The following RERE variants were observed in gnomAD, a reference collection of about 807,000 sequenced individuals.
RERE encodes the protein arginine-glutamic acid dipeptide repeats.
RERE carries 40 observed loss-of-function variants against 146.1 expected under a neutral mutation model. The observed-to-expected ratio is 0.27, with a 90% CI of 0.21 to 0.36. The LOEUF (loss-of-function observed/expected upper bound fraction) is 0.36, where lower values mean the gene tolerates loss of function less well. Among genes scored for constraint, RERE ranks in the 10% least tolerant of loss-of-function variants. The pLI is 1.00. For missense variants in RERE, 1,933 were observed against 2,138.7 expected (o/e 0.90, Z 1.90); for synonymous variants, 1,003 against 866.0 (o/e 1.16, Z -2.78).
At chr1:8,360,060 C>A (rs1307879580) in intron 18 of RERE, 52 bp downstream of exon 18, 3 of 1,216,544 alleles carry the variant, frequency 2.5e-6, no homozygotes, top group East Asian at 5.3e-5. Context: ...CCAGAACTTG[C>A]CCCCACCAGC....
intron 1 of RERE, among the ~76,000 whole-genome samples, chr1:8,770,512 T>C (rs1640927007): frequency 6.6e-6 from 1 of 152,198 alleles, no homozygotes; most frequent in African/African-American, 2.4e-5. Context: ...CTCAGTCTAC[T>C]TATAGCCCTA....
chr1:8,426,225 C>A (rs550512462), intron 11 of RERE, among the ~76,000 whole-genome samples: 1 of 152,082 alleles, frequency 6.6e-6, no homozygotes, highest in Non-Finnish European at 1.5e-5. Context: ...GAGGCTGAGG[C>A]GGGCAGACCA....
chr1:8,729,489 C>T (rs1245725172), intron 1 of RERE, among the ~76,000 whole-genome samples: 2 of 152,036 alleles, frequency 1.3e-5, no homozygotes, highest in African/African-American at 2.4e-5. Context: ...TCCCAAAGTG[C>T]TGGGGTTACA....
intron 12 of RERE, among the ~76,000 whole-genome samples, chr1:8,399,298 AG>A (rs1261045648): frequency 6.6e-6 from 1 of 152,118 alleles, no homozygotes; most frequent in African/African-American, 2.4e-5. Flanking sequence ...TTCCCTACTC[AG>A]GGAACATTAA....
At chr1:8,773,649 C>A (rs1569766264) in intron 1 of RERE, among the ~76,000 whole-genome samples, 1 of 152,292 alleles carries the variant, frequency 6.6e-6, no homozygotes, top group East Asian at 1.9e-4. Flanking sequence ...CACGGTGAAA[C>A]CCTGTCTCTA....
At chr1:8,757,813 G>A (rs1304332514) in intron 1 of RERE, among the ~76,000 whole-genome samples, 1 of 151,824 alleles carries the variant, frequency 6.6e-6, no homozygotes, top group East Asian at 1.9e-4. Flanking sequence ...ACGCAAAATG[G>A]TATTCCTAAC....
At chr1:8,621,235 C>T (rs1646912303) in intron 3 of RERE, among the ~76,000 whole-genome samples, 1 of 152,120 alleles carries the variant, frequency 6.6e-6, no homozygotes. Context: ...GTGTTCTATA[C>T]CACAGACTCG....
In RERE at chr1:8,630,787, A is replaced by G. The variant is rs140819985; in HGVS notation, c.326-6407T>C. 4.5e-3 allele frequency among the ~76,000 whole-genome samples: 691 copies of G among 152,300 alleles called. 6 individuals are homozygous for G. The highest frequency in any genetic ancestry group is 0.016 in the African/African-American group (664 of 41,570). Reference sequence around the variant, plus strand: ...ATGGAAAAGGAAACAAAAATTGGGAAAAGTGCACCTCCATAAATGAAGCCT... The same window carrying G: ...ATGGAAAAGGAAACAAAAATTGGGAGAAGTGCACCTCCATAAATGAAGCCT... On this transcript the variant is annotated intron_variant, in intron 2 of 22. Transcript: ENST00000400908.
At chr1:8,751,637 C>T (rs886341495) in intron 1 of RERE, among the ~76,000 whole-genome samples, 3 of 152,090 alleles carry the variant, frequency 2.0e-5, no homozygotes, top group East Asian at 1.9e-4. Context: ...CAAAATACTG[C>T]GCTTATTCCT....
At chr1:8,485,848 G>C (rs1385990184) in intron 10 of RERE, among the ~76,000 whole-genome samples, 1 of 149,178 alleles carries the variant, frequency 6.7e-6, no homozygotes, top group African/African-American at 2.5e-5. Context: ...TGGCAGGCTG[G>C]AGTGCAGTGG....
In RERE at chr1:8,530,740, G is replaced by A. The variant is rs184395545; in HGVS notation, c.830+10474C>T. Among the ~76,000 whole-genome samples, 1,252 of 137,628 alleles carry A rather than the reference G, an allele frequency of 9.1e-3. 19 individuals are homozygous for A. Among genetic ancestry groups the A allele is most frequent in the African/African-American group, 0.033 (1,206 of 36,334 alleles). The allele number at this position is 137,628 out of a possible 152,430, so 90.3% of individuals were successfully genotyped here. ...CGCTCTGTCGCCCAGGCCGGACTGC[G>A]GACTGCAGTGGCGCAATCTCGGCTC... On this transcript the variant is annotated intron_variant, in intron 7 of 22. Transcript: ENST00000400908.
intron 1 of RERE, among the ~76,000 whole-genome samples, chr1:8,656,745 A>C (rs552295123): frequency 6.6e-6 from 1 of 152,342 alleles, no homozygotes; most frequent in East Asian, 1.9e-4. Flanking sequence ...TAGACAACAT[A>C]TAATGGGTAT....
chr1:8,704,912 T>C (rs1639527110), intron 1 of RERE, among the ~76,000 whole-genome samples: 1 of 152,180 alleles, frequency 6.6e-6, no homozygotes, highest in East Asian at 1.9e-4. Context: ...CTAAACACCA[T>C]TCCTCAGTGA....
intron 1 of RERE, among the ~76,000 whole-genome samples, chr1:8,763,320 G>A (rs1640788779): frequency 6.6e-6 from 1 of 152,104 alleles, no homozygotes; most frequent in Non-Finnish European, 1.5e-5. Flanking sequence ...CCATAATCAA[G>A]AGTTTCCATG....
intron 12 of RERE, among the ~76,000 whole-genome samples, chr1:8,413,393 A>G (rs962480786): frequency 6.6e-6 from 1 of 152,124 alleles, no homozygotes; most frequent in African/African-American, 2.4e-5. Context: ...CCCAGGCTGG[A>G]GCATAGCAGC....
At chr1:8,748,212 T>C (rs1215466032) in intron 1 of RERE, among the ~76,000 whole-genome samples, 8 of 152,096 alleles carry the variant, frequency 5.3e-5, no homozygotes, top group Non-Finnish European at 7.4e-5. Context: ...CTCAGAAAAA[T>C]GCAGTAACTT....
intron 4 of RERE, among the ~76,000 whole-genome samples, chr1:8,584,530 G>A (rs959975210): frequency 3.3e-5 from 5 of 152,302 alleles, no homozygotes; most frequent in African/African-American, 1.2e-4. Flanking sequence ...CTGGGTGACA[G>A]AATGAGAAAC....
At chr1:8,442,536 G>A (rs764335983) in intron 11 of RERE, among the ~76,000 whole-genome samples, 1 of 152,068 alleles carries the variant, frequency 6.6e-6, no homozygotes, top group East Asian at 1.9e-4. Flanking sequence ...CGCCAGCACC[G>A]TGCTTGTACA....
chr1:8,465,089 G>A (rs1408016191), intron 11 of RERE: 1 of 152,304 alleles, frequency 6.6e-6, no homozygotes, highest in Non-Finnish European at 1.5e-5. Context: ...CAAATGTCAA[G>A]CGGTAACATT....
Sources: gnomAD v4.1 joint callset for allele counts (sites outside exome capture counted in the v4.1 genomes callset) on GRCh38, gnomAD v4.1.1 for gene constraint, MANE v1.5 for transcripts, NCBI Gene and HGNC (gene_info 2026-07-23, HGNC 2026-07-21) for gene names.